The following PODN variants were observed in gnomAD, a reference collection of about 807,000 sequenced individuals.
The protein encoded by PODN is podocan proteoglycan.
A neutral mutation model predicts 52.7 loss-of-function variants in PODN; 40 were observed. The ratio of observed to expected loss-of-function variants is 0.76; its 90% CI spans 0.59 to 0.99. The LOEUF (loss-of-function observed/expected upper bound fraction) is 0.99, where lower values mean the gene tolerates loss of function less well. PODN is among the 50% of genes least tolerant of loss of function. PODN has a pLI of 0.00. For synonymous variants in PODN, 396 were observed against 377.9 expected, an observed-to-expected ratio of 1.05 and a Z score of -0.56; for missense variants, 720 against 815.1, an observed-to-expected ratio of 0.88 and a Z score of 1.42.
rs781543578 is a variant in PODN at position 53,075,895 on chromosome 1, C to T, written c.505C>T (p.Leu169=). 43 of 1,605,810 alleles carry T rather than the reference C, an allele frequency of 2.7e-5. No individual in the cohort carries two copies. Among genetic ancestry groups the T allele is most frequent in the Non-Finnish European group, 3.6e-5 (42 of 1,175,474 alleles). Reference sequence around the variant, plus strand: ...GGCACCCCGCTTCCTGCCAAACGCCCTGATCAGTGTGGACTTTGCTGCCAA... The same window carrying T: ...GGCACCCCGCTTCCTGCCAAACGCCTTGATCAGTGTGGACTTTGCTGCCAA... ...TLAPRFLPNA[L]ISVDFAANYL... The change falls in exon 5 of 11, where the codon CTG becomes TTG. Residue 169 remains leucine (L), a synonymous_variant. Coordinates refer to ENST00000312553, the MANE Select transcript of PODN (RefSeq NM_153703.5).
At chr1:53,073,956 C>T (rs749374459) in intron 3 of PODN, among the ~76,000 whole-genome samples, 39 of 152,376 alleles carry the variant, frequency 2.6e-4, no homozygotes, top group Non-Finnish European at 3.7e-4. Context: ...CCGCCTCTCT[C>T]GTGTTGCTAA....
chr1:53,072,269 G>A (rs759117042), intron 3 of PODN, among the ~76,000 whole-genome samples: 48 of 152,066 alleles, frequency 3.2e-4, no homozygotes, highest in Non-Finnish European at 1.3e-4. Context: ...CTGCAATTAC[G>A]AAAGAACTAA....
intron 2 of PODN, chr1:53,070,963 C>G (rs1449308269): frequency 6.5e-6 from 1 of 152,882 alleles, no homozygotes; most frequent in Non-Finnish European, 1.5e-5. Context: ...GAGGCAGGGC[C>G]CGGCGTTCCC....
At chr1:53,083,679 A>G (rs568164386) in intron 10 of PODN, among the ~76,000 whole-genome samples, 73 of 152,364 alleles carry the variant, frequency 4.8e-4, no homozygotes, top group African/African-American at 1.7e-3. Context: ...AGTTCAGGAC[A>G]GGAGGGCAAG....
At position 53,073,028 on chromosome 1, in the gene PODN, C is replaced by T. The variant is rs183715475; in HGVS notation, c.406+1400C>T. 116 of 221,554 alleles carry T rather than the reference C, an allele frequency of 5.2e-4. No homozygotes were observed. In the East Asian group the frequency reaches 9.1e-3, roughly 17 times the overall value. The allele number at this position is 221,554 out of a possible 1,614,324, so 13.7% of individuals were successfully genotyped here. On this transcript the variant is annotated intron_variant, in intron 3 of 10. Transcript: ENST00000312553. ...AGTGAGCTGAGATCACACCATTGCA[C>T]TCCAGTCTGGGCAATAAGAGTGAAA...
chr1:53,081,741 A>G (rs1318213377), intron 9 of PODN, among the ~76,000 whole-genome samples: 1 of 152,190 alleles, frequency 6.6e-6, no homozygotes, highest in Non-Finnish European at 1.5e-5. Flanking sequence ...GCGCAGAGAG[A>G]GACCCCTCAC....
intron 3 of PODN, among the ~76,000 whole-genome samples, chr1:53,072,291 TAA>T (rs924863888): frequency 3.3e-5 from 5 of 152,192 alleles, no homozygotes; most frequent in African/African-American, 1.2e-4. Context: ...CTAGAATCCA[TAA>T]GTTATTTTCA....
intron 1 of PODN, among the ~76,000 whole-genome samples, chr1:53,062,955 G>A (rs1045486799): frequency 6.6e-6 from 1 of 152,230 alleles, no homozygotes; most frequent in African/African-American, 2.4e-5. Context: ...ATCTGTCTAC[G>A]CGGCTGCTTC....
intron 1 of PODN, among the ~76,000 whole-genome samples, chr1:53,062,958 G>T (rs774535316): frequency 8.5e-5 from 13 of 152,244 alleles, no homozygotes; most frequent in Non-Finnish European, 1.8e-4. Flanking sequence ...TGTCTACGCG[G>T]CTGCTTCCCA....
intron 1 of PODN, chr1:53,066,906 C>T (rs1166794280): frequency 2.0e-6 from 3 of 1,528,314 alleles, no homozygotes; most frequent in Admixed American, 4.0e-5. Context: ...GCTCCTTCCC[C>T]TGGATTCTTC....
At chr1:53,080,981 G>A in intron 9 of PODN, 105 bp downstream of exon 9, 1 of 1,440,992 alleles carries the variant, frequency 6.9e-7, no homozygotes, top group Non-Finnish European at 9.5e-7. Flanking sequence ...TGCTGCCTGT[G>A]TAACCACGGC....
At chr1:53,071,688 C>G in intron 3 of PODN, 60 bp downstream of exon 3, 2 of 1,495,584 alleles carry the variant, frequency 1.3e-6, no homozygotes, top group Non-Finnish European at 1.8e-6. Flanking sequence ...GGGGCCTGAA[C>G]GATGCTGGGT....
intron 1 of PODN, among the ~76,000 whole-genome samples, 167 bp from the exon 2 acceptor site, chr1:53,069,634 G>A (rs962940608): frequency 2.6e-5 from 4 of 152,234 alleles, no homozygotes; most frequent in Non-Finnish European, 4.4e-5. Flanking sequence ...GCTTTACCTC[G>A]TCCCCCGCCT....
At chr1:53,079,859 C>T (rs1351615066) in intron 8 of PODN, among the ~76,000 whole-genome samples, 1 of 151,884 alleles carries the variant, frequency 6.6e-6, no homozygotes, top group African/African-American at 2.4e-5. Flanking sequence ...AAAATTTAGC[C>T]CCGTGCAGTG....
At chr1:53,079,318 C>A (rs191434246) in intron 8 of PODN, among the ~76,000 whole-genome samples, 6 of 152,274 alleles carry the variant, frequency 3.9e-5, no homozygotes, top group Admixed American at 6.5e-5. Context: ...GTGGTATGAC[C>A]GAGCTGAGCT....
chr1:53,077,622 C>T (rs1400939041), intron 6 of PODN, 63 bp from the exon 7 acceptor site: 16 of 1,471,376 alleles, frequency 1.1e-5, no homozygotes, highest in African/African-American at 5.6e-5. Context: ...CACCTCATCC[C>T]GAGGCCCTGA....
chr1:53,069,383 G>A (rs78175275), intron 1 of PODN, among the ~76,000 whole-genome samples: 7,377 of 152,298 alleles, frequency 0.048, 281 homozygotes, highest in East Asian at 0.2. Context: ...AGTCAGGAAG[G>A]CCTGAGAATG....
chr1:53,077,623 G>C, intron 6 of PODN, 62 bp from the exon 7 acceptor site: 10 of 1,479,006 alleles, frequency 6.8e-6, no homozygotes, highest in Non-Finnish European at 9.3e-6. Flanking sequence ...ACCTCATCCC[G>C]AGGCCCTGAC....
intron 1 of PODN, among the ~76,000 whole-genome samples, chr1:53,066,186 G>A (rs746054191): frequency 9.2e-5 from 14 of 151,690 alleles, no homozygotes; most frequent in Admixed American, 2.6e-4. Flanking sequence ...TTAGAGAGAC[G>A]AAGTTTCGCC....
Sources: allele counts gnomAD v4.1 joint callset (sites outside exome capture counted in the v4.1 genomes callset), GRCh38; gene constraint gnomAD v4.1.1; transcripts MANE v1.5; gene names NCBI Gene and HGNC (gene_info 2026-07-23, HGNC 2026-07-21).